Variants in SSPN observed in about 807,000 individuals in gnomAD.
The protein encoded by SSPN is sarcospan, also known as K-ras oncogene-associated protein.
In SSPN, 15 loss-of-function variants were observed where a neutral mutation model predicts 19.1. That is an observed-to-expected ratio of 0.78 (90% CI 0.52 to 1.21). SSPN has a LOEUF of 1.21. Among genes scored for constraint, SSPN ranks in the 50% most tolerant of loss-of-function variants. The pLI is 0.00. For synonymous variants in SSPN, 147 were observed against 140.3 expected (o/e 1.05, Z -0.34); for missense variants, 291 against 314.0 (o/e 0.93, Z 0.55).
At chr12:26,133,121 A>G (rs912384278) in intron 1 of SSPN, among the ~76,000 whole-genome samples, 2 of 152,210 alleles carry the variant, frequency 1.3e-5, no homozygotes, top group South Asian at 2.1e-4. Context: ...TCATCATCAT[A>G]TACTTGACTC....
At chr12:26,149,378 A>T (rs1406767565) in intron 1 of SSPN, among the ~76,000 whole-genome samples, 1 of 152,106 alleles carries the variant, frequency 6.6e-6, no homozygotes, top group Non-Finnish European at 1.5e-5. Context: ...AATTATTTTT[A>T]AAATTATCAA....
intron 1 of SSPN, among the ~76,000 whole-genome samples, chr12:26,182,145 C>T (rs1311962017): frequency 6.6e-6 from 1 of 152,172 alleles, no homozygotes; most frequent in East Asian, 1.9e-4. Context: ...CAGCACTGTC[C>T]TCTACTCGTA....
chr12:26,143,518 G>T (rs1944472606), intron 1 of SSPN, among the ~76,000 whole-genome samples: 1 of 152,188 alleles, frequency 6.6e-6, no homozygotes, highest in African/African-American at 2.4e-5. Context: ...CCTGCCTGCA[G>T]AGCTGGTGTT....
intron 1 of SSPN, among the ~76,000 whole-genome samples, chr12:26,204,644 C>A (rs1944915777): frequency 6.6e-6 from 1 of 152,096 alleles, no homozygotes; most frequent in African/African-American, 2.4e-5. Context: ...GCCCTTTGAG[C>A]CTTATGAGGT....
In SSPN at chr12:26,231,646, G is replaced by A. The variant is rs1428230654; in HGVS notation, c.*570G>A. 1 of 153,044 alleles carries A rather than the reference G, an allele frequency of 6.5e-6. No homozygotes were observed. Among genetic ancestry groups the A allele is most frequent in the Non-Finnish European group, 1.5e-5 (1 of 68,774 alleles). 9.5% of individuals were successfully genotyped at this position (153,044 alleles called of 1,614,324 possible). On this transcript the variant is annotated 3_prime_UTR_variant, in exon 3 of 3. Transcript: ENST00000242729. ...ACGGAAGAGGCTTTGCAAAAGGCTA[G>A]ATAACTAACAACACCTGGGTTGGGG... is the stretch of plus-strand genomic sequence containing the variant.
intron 1 of SSPN, among the ~76,000 whole-genome samples, chr12:26,184,674 G>A (rs143049905): frequency 1.3e-5 from 2 of 152,232 alleles, no homozygotes; most frequent in East Asian, 3.9e-4. Flanking sequence ...TCAATATATA[G>A]ACCACTTAGT....
chr12:26,200,349 A>T (rs771568999), intron 1 of SSPN, among the ~76,000 whole-genome samples: 1 of 152,314 alleles, frequency 6.6e-6, no homozygotes, highest in East Asian at 1.9e-4. Flanking sequence ...CAGTTTTCGT[A>T]TGTTAACTTA....
At chr12:26,147,281 T>TTTC (rs1565671923) in intron 1 of SSPN, among the ~76,000 whole-genome samples, 1 of 151,432 alleles carries the variant, frequency 6.6e-6, no homozygotes, top group East Asian at 1.9e-4. Context: ...TTTTTGTGTT[T>TTTC]TTTTTTTTTG....
At chr12:26,128,297 T>A (rs61915713) in intron 1 of SSPN, among the ~76,000 whole-genome samples, 1 of 152,112 alleles carries the variant, frequency 6.6e-6, no homozygotes, top group Non-Finnish European at 1.5e-5. Context: ...GGTGTTAGCA[T>A]TGGAGCTGAT....
At chr12:26,154,259 G>A (rs1246392983) in intron 1 of SSPN, among the ~76,000 whole-genome samples, 1 of 152,206 alleles carries the variant, frequency 6.6e-6, no homozygotes, top group African/African-American at 2.4e-5. Flanking sequence ...GGTTGATCTG[G>A]AATACCAAGC....
chr12:26,201,048 A>ATATATAT (rs1565685559), intron 1 of SSPN, among the ~76,000 whole-genome samples: 268 of 67,380 alleles, frequency 4.0e-3, no homozygotes, highest in Admixed American at 6.9e-3. Flanking sequence ...TATATATATT[A>ATATATAT]TATATATATA....
chr12:26,127,542 A>G (rs548442506), intron 1 of SSPN, among the ~76,000 whole-genome samples: 10 of 151,288 alleles, frequency 6.6e-5, no homozygotes, highest in African/African-American at 2.4e-4. Flanking sequence ...CCCAATTTTT[A>G]TCTCCTTTGT....
intron 1 of SSPN, among the ~76,000 whole-genome samples, chr12:26,161,865 T>C (rs1944591252): frequency 6.6e-6 from 1 of 152,200 alleles, no homozygotes. Context: ...GAGAATCTAA[T>C]GCCACCACTG....
chr12:26,174,515 T>TCCTTCCTTCCTTCCTTCCTTCCTTC, intron 1 of SSPN, among the ~76,000 whole-genome samples: 1 of 142,558 alleles, frequency 7.0e-6, no homozygotes, highest in African/African-American at 2.6e-5. Context: ...CTTCCTTCCT[T>TCCTTCCTTCCTTCCTTCCTTCCTTC]CCTTCCTTCC....
chr12:26,202,940 G>A (rs562211754), intron 1 of SSPN, among the ~76,000 whole-genome samples: 15 of 152,192 alleles, frequency 9.9e-5, no homozygotes, highest in Non-Finnish European at 1.9e-4. Context: ...ACATGGCTGA[G>A]GAGGCCTCAG....
At chr12:26,230,572 TG>T (rs1261583230) in intron 2 of SSPN, 138 bp from the exon 3 acceptor site, 1 of 917,422 alleles carries the variant, frequency 1.1e-6, no homozygotes, top group African/African-American at 1.7e-5. Context: ...TCTTGGGTGT[TG>T]TGTTTCTAAG....
At chr12:26,204,232 C>T (rs900613998) in intron 1 of SSPN, among the ~76,000 whole-genome samples, 2 of 152,074 alleles carry the variant, frequency 1.3e-5, no homozygotes, top group African/African-American at 4.8e-5. Flanking sequence ...ATCTGACACA[C>T]GGAGGTACGA....
intron 1 of SSPN, chr12:26,124,645 A>T: frequency 6.2e-7 from 1 of 1,612,644 alleles, no homozygotes; most frequent in Non-Finnish European, 8.5e-7. Context: ...CGCCAGCTCC[A>T]TACCACTTTC....
intron 1 of SSPN, among the ~76,000 whole-genome samples, chr12:26,163,149 C>T (rs1944600376): frequency 6.6e-6 from 1 of 152,002 alleles, no homozygotes; most frequent in African/African-American, 2.4e-5. Context: ...GGCCACAGCT[C>T]ACACCATGAA....
Sources: gnomAD v4.1 joint callset for allele counts (sites outside exome capture counted in the v4.1 genomes callset) on GRCh38, gnomAD v4.1.1 for gene constraint, MANE v1.5 for transcripts, NCBI Gene and HGNC (gene_info 2026-07-23, HGNC 2026-07-21) for gene names.